The following CDH18 variants were observed in gnomAD, a reference collection of about 807,000 sequenced individuals.
The protein encoded by CDH18 is cadherin 18, also known as cadherin-18.
A neutral mutation model predicts 67.9 loss-of-function variants in CDH18; 31 were observed. That is an observed-to-expected ratio of 0.46 (90% confidence interval 0.34 to 0.62). The LOEUF is 0.62. CDH18 is among the 20% of genes least tolerant of loss of function. The pLI, the probability that CDH18 is intolerant of heterozygous loss-of-function variation, is 0.01. For missense variants in CDH18, 890 were observed against 975.5 expected, an observed-to-expected ratio of 0.91 and a Z score of 1.17; for synonymous variants, 362 against 347.2, an observed-to-expected ratio of 1.04 and a Z score of -0.48.
intron 10 of CDH18, among the ~76,000 whole-genome samples, chr5:19,504,454 T>C (rs78049297): frequency 0.019 from 2,933 of 152,086 alleles, 78 homozygotes; most frequent in African/African-American, 0.066. Context: ...TCTGGGTAGA[T>C]TGTTTTTCCC....
chr5:20,074,068 T>G (rs1311936279), intron 2 of CDH18, among the ~76,000 whole-genome samples: 1 of 152,140 alleles, frequency 6.6e-6, no homozygotes, highest in East Asian at 1.9e-4. Flanking sequence ...TACTACAGCA[T>G]TTTTTAAATT....
intron 4 of CDH18, among the ~76,000 whole-genome samples, chr5:19,727,080 T>A (rs1469007627): frequency 5.3e-5 from 8 of 152,156 alleles, no homozygotes; most frequent in Admixed American, 5.2e-4. Context: ...ACCTAGACTA[T>A]GGCTTTCTGT....
At chr5:19,932,069 T>C (rs1017266129) in intron 2 of CDH18, among the ~76,000 whole-genome samples, 4 of 151,852 alleles carry the variant, frequency 2.6e-5, no homozygotes, top group African/African-American at 7.2e-5. Context: ...AAAGAACATG[T>C]ATGAACTAAA....
At chr5:20,013,363 T>G (rs1561713451) in intron 2 of CDH18, among the ~76,000 whole-genome samples, 1 of 152,048 alleles carries the variant, frequency 6.6e-6, no homozygotes. Flanking sequence ...TTTCTGTACT[T>G]TTAAGGACAG....
intron 2 of CDH18, among the ~76,000 whole-genome samples, chr5:19,885,900 G>A (rs4866156): frequency 0.31 from 47,293 of 152,064 alleles, 8,132 homozygotes; most frequent in South Asian, 0.39. Context: ...TATGGTGAGC[G>A]TTGATAGATC....
At chr5:20,194,416 C>A (rs1193916594) in intron 2 of CDH18, among the ~76,000 whole-genome samples, 1 of 151,968 alleles carries the variant, frequency 6.6e-6, no homozygotes, top group Non-Finnish European at 1.5e-5. Flanking sequence ...GCATGGAACA[C>A]CATAGATAAC....
intron 1 of CDH18, among the ~76,000 whole-genome samples, chr5:20,313,361 T>A (rs2149993278): frequency 6.6e-6 from 1 of 152,182 alleles, no homozygotes; most frequent in Middle Eastern, 3.4e-3. Flanking sequence ...TAGAGACTGA[T>A]TTTTTTGTCA....
At chr5:19,529,546 T>G (rs1748269419) in intron 9 of CDH18, among the ~76,000 whole-genome samples, 1 of 152,038 alleles carries the variant, frequency 6.6e-6, no homozygotes, top group Non-Finnish European at 1.5e-5. Context: ...CTATGAAGAT[T>G]TATTATCTAT....
chr5:19,863,328 T>C (rs977084908), intron 2 of CDH18, among the ~76,000 whole-genome samples: 2 of 152,134 alleles, frequency 1.3e-5, no homozygotes, highest in Non-Finnish European at 2.9e-5. Flanking sequence ...AAATATCAGA[T>C]ACACAAACTA....
At chr5:20,248,564 C>T (rs900710239) in intron 2 of CDH18, among the ~76,000 whole-genome samples, 1 of 152,130 alleles carries the variant, frequency 6.6e-6, no homozygotes, top group Non-Finnish European at 1.5e-5. Context: ...TCCAGAGCTA[C>T]TTATTTAGGA....
At chr5:19,830,184 C>T (rs1780858732) in intron 3 of CDH18, among the ~76,000 whole-genome samples, 1 of 152,036 alleles carries the variant, frequency 6.6e-6, no homozygotes, top group Non-Finnish European at 1.5e-5. Context: ...CAAAAAATGA[C>T]AAATGGGACC....
At chr5:19,506,018 G>T (rs1307733366) in intron 10 of CDH18, among the ~76,000 whole-genome samples, 1 of 152,100 alleles carries the variant, frequency 6.6e-6, no homozygotes, top group African/African-American at 2.4e-5. Context: ...TCTATTCAGA[G>T]ATTCAACTTC....
intron 3 of CDH18, among the ~76,000 whole-genome samples, chr5:19,781,336 A>C (rs1775089489): frequency 6.6e-6 from 1 of 151,918 alleles, no homozygotes; most frequent in African/African-American, 2.4e-5. Flanking sequence ...AAAAACACTC[A>C]TTTAAAATTT....
chr5:20,089,474 A>G (rs1188576542), intron 2 of CDH18, among the ~76,000 whole-genome samples: 1 of 152,144 alleles, frequency 6.6e-6, no homozygotes. Flanking sequence ...CTGTTTAAAT[A>G]TATTTTGTTT....
chr5:19,696,974 A>G (rs547661279), intron 5 of CDH18, among the ~76,000 whole-genome samples: 3 of 152,346 alleles, frequency 2.0e-5, no homozygotes, highest in Non-Finnish European at 4.4e-5. Context: ...TCCATTAACC[A>G]AACAATACTC....
At chr5:19,663,876 C>CTT (rs139621768) in intron 5 of CDH18, among the ~76,000 whole-genome samples, 10 of 148,574 alleles carry the variant, frequency 6.7e-5, no homozygotes, top group Admixed American at 2.7e-4. Flanking sequence ...ACTTAAAAGA[C>CTT]TTTTTTTTTT....
At chr5:20,165,134 A>C (rs1736188904) in intron 2 of CDH18, among the ~76,000 whole-genome samples, 1 of 152,170 alleles carries the variant, frequency 6.6e-6, no homozygotes, top group South Asian at 2.1e-4. Flanking sequence ...AGGTCAACAA[A>C]AATGGGAAGC....
chr5:19,809,796 T>C (rs907892606), intron 3 of CDH18, among the ~76,000 whole-genome samples: 5 of 152,176 alleles, frequency 3.3e-5, no homozygotes, highest in African/African-American at 1.2e-4. Context: ...TCTATGAATA[T>C]TTCTCAAGTT....
chr5:19,606,144 C>A (rs1438467465), intron 6 of CDH18, among the ~76,000 whole-genome samples: 2 of 151,406 alleles, frequency 1.3e-5, no homozygotes, highest in East Asian at 3.9e-4. Flanking sequence ...GTAAGGAGAG[C>A]AATAAAATAA....
Sources: gnomAD v4.1 joint callset for allele counts (sites outside exome capture counted in the v4.1 genomes callset) on GRCh38, gnomAD v4.1.1 for gene constraint, MANE v1.5 for transcripts, NCBI Gene and HGNC (gene_info 2026-07-23, HGNC 2026-07-21) for gene names.